Variants in ROBO2 observed in about 807,000 individuals in gnomAD.
ROBO2 encodes the protein roundabout homolog 2.
Under a neutral mutation model 160.8 loss-of-function variants are expected in ROBO2, and 53 were observed. The observed-to-expected ratio is 0.33, with a 90% CI of 0.26 to 0.41. ROBO2 has a LOEUF of 0.41. Ranked by LOEUF, ROBO2 falls within the 10% of genes least tolerant of loss-of-function variation. ROBO2 has a pLI of 1.00. For synonymous variants in ROBO2, 664 were observed against 611.7 expected (o/e 1.09, Z -1.26); for missense variants, 1,577 against 1,722.4 (o/e 0.92, Z 1.49).
intron 2 of ROBO2, among the ~76,000 whole-genome samples, chr3:76,361,412 C>CTA (rs2075513355): frequency 6.6e-6 from 1 of 151,998 alleles, no homozygotes; most frequent in South Asian, 2.1e-4. Flanking sequence ...CCTATGCATT[C>CTA]TATATGCACT....
intron 2 of ROBO2, among the ~76,000 whole-genome samples, chr3:76,343,169 C>T (rs541826490): frequency 8.5e-5 from 13 of 152,050 alleles, no homozygotes; most frequent in African/African-American, 1.9e-4. Flanking sequence ...CAAACCTCTA[C>T]GTATGGTGTG....
intron 2 of ROBO2, among the ~76,000 whole-genome samples, chr3:76,751,993 G>A (rs992852464): frequency 7.2e-5 from 11 of 152,042 alleles, no homozygotes; most frequent in East Asian, 1.9e-4. Flanking sequence ...ACATGCACAC[G>A]TATGTTTATT....
At chr3:77,131,270 A>G (rs926775428) in intron 2 of ROBO2, among the ~76,000 whole-genome samples, 3 of 152,238 alleles carry the variant, frequency 2.0e-5, no homozygotes, top group Middle Eastern at 3.4e-3. Context: ...CTTCCTTAGT[A>G]TTCATATTTT....
intron 6 of ROBO2, among the ~76,000 whole-genome samples, chr3:77,531,360 T>G (rs1382273148): frequency 6.6e-6 from 1 of 151,504 alleles, no homozygotes; most frequent in African/African-American, 2.4e-5. Flanking sequence ...AATTATTTTT[T>G]AAAATAAGCA....
intron 2 of ROBO2, among the ~76,000 whole-genome samples, chr3:76,547,118 G>C (rs2083152498): frequency 6.6e-6 from 1 of 151,878 alleles, no homozygotes; most frequent in Non-Finnish European, 1.5e-5. Flanking sequence ...AGTCCAACTA[G>C]TATAACTTGA....
intron 2 of ROBO2, among the ~76,000 whole-genome samples, chr3:76,607,243 G>C (rs1217487970): frequency 6.6e-6 from 1 of 152,096 alleles, no homozygotes; most frequent in Admixed American, 6.6e-5. Context: ...TGAGTATCTG[G>C]GACTTGAACT....
intron 2 of ROBO2, among the ~76,000 whole-genome samples, chr3:76,817,641 A>T (rs1313117074): frequency 6.6e-6 from 1 of 151,224 alleles, no homozygotes; most frequent in African/African-American, 2.4e-5. Flanking sequence ...CTGTCCCTCA[A>T]CCCCCTTGCA....
intron 2 of ROBO2, among the ~76,000 whole-genome samples, chr3:76,465,238 C>T (rs1164779557): frequency 6.6e-6 from 1 of 151,966 alleles, no homozygotes; most frequent in Non-Finnish European, 1.5e-5. Flanking sequence ...TATGTTTCTA[C>T]TGGGAGGATT....
At chr3:77,004,856 G>C (rs1188311260) in intron 2 of ROBO2, among the ~76,000 whole-genome samples, 1 of 152,084 alleles carries the variant, frequency 6.6e-6, no homozygotes, top group African/African-American at 2.4e-5. Context: ...CCCCATCTTA[G>C]ACATTTCAGA....
At chr3:77,222,472 CT>C (rs1023003866) in intron 2 of ROBO2, among the ~76,000 whole-genome samples, 2 of 151,758 alleles carry the variant, frequency 1.3e-5, no homozygotes, top group African/African-American at 2.4e-5. Flanking sequence ...TTTCAGAAGA[CT>C]TTTTTTTAAA....
chr3:76,953,820 ATGTG>A (rs112746282), intron 2 of ROBO2, among the ~76,000 whole-genome samples: 265 of 149,388 alleles, frequency 1.8e-3, no homozygotes, highest in South Asian at 2.8e-3. Flanking sequence ...TCCTTTTTAA[ATGTG>A]TGTGTGTGTG....
At chr3:77,082,148 G>T (rs1280224089) in intron 1 of ROBO2, among the ~76,000 whole-genome samples, 1 of 152,146 alleles carries the variant, frequency 6.6e-6, no homozygotes, top group East Asian at 1.9e-4. Flanking sequence ...AACACTAACA[G>T]ATTAGCCTGC....
intron 2 of ROBO2, among the ~76,000 whole-genome samples, chr3:77,433,335 T>A (rs1394789253): frequency 2.0e-5 from 3 of 151,524 alleles, no homozygotes; most frequent in Non-Finnish European, 4.4e-5. Flanking sequence ...CTGTTTCCCA[T>A]CCGTCCTAAA....
chr3:75,958,332 G>A (rs1208710720), intron 2 of ROBO2, among the ~76,000 whole-genome samples: 2 of 151,596 alleles, frequency 1.3e-5, no homozygotes, highest in South Asian at 2.1e-4. Context: ...TGACACTTAC[G>A]TGGCAGCACT....
chr3:76,258,148 T>G (rs1706520661), intron 2 of ROBO2, among the ~76,000 whole-genome samples: 1 of 152,028 alleles, frequency 6.6e-6, no homozygotes, highest in Non-Finnish European at 1.5e-5. Context: ...TTATCAAAAC[T>G]AAACACTTTT....
At chr3:77,156,755 TA>T (rs1447296377) in intron 2 of ROBO2, among the ~76,000 whole-genome samples, 2 of 149,908 alleles carry the variant, frequency 1.3e-5, no homozygotes, top group African/African-American at 4.9e-5. Context: ...TTAGAATATA[TA>T]AAAATATTTA....
chr3:76,043,933 A>G lies in ROBO2; in HGVS notation c.109+106331A>G, dbSNP rs72890401. On this transcript the variant is annotated intron_variant, in intron 2 of 26. Coordinates refer to the ROBO2 transcript ENST00000487694. ...TTTTGTCTTTTCTACCTCCTTCCCT[A>G]TTGTTTTGTAAAGTTACATCACGAT... Among the ~76,000 whole-genome samples the G allele has an allele frequency of 7.6e-3, 1,161 of 151,800 alleles. 39 individuals carry two copies. The highest frequency in any genetic ancestry group is 0.027 in the African/African-American group (1,108 of 41,248).
chr3:76,554,557 C>T (rs1038057882), intron 2 of ROBO2, among the ~76,000 whole-genome samples: 5 of 152,158 alleles, frequency 3.3e-5, no homozygotes, highest in South Asian at 2.1e-4. Flanking sequence ...ATTGTAATTG[C>T]GTGTCTAAAG....
chr3:76,677,958 C>CTTTTTTT lies in ROBO2; in HGVS notation c.110-420033_110-420027dup, dbSNP rs1169307424. Among the ~76,000 whole-genome samples the CTTTTTTT allele has an allele frequency of 3.3e-3, 97 of 29,402 alleles. 25 individuals carry two copies. Among genetic ancestry groups the CTTTTTTT allele is most frequent in the African/African-American group, 7.7e-3 (59 of 7,664 alleles). The allele number at this position is 29,402 out of a possible 152,430, so 19.3% of individuals were successfully genotyped here. Reference sequence around the variant, plus strand: ...TTCTCTCACAGAGAAAGAAAATATGCTTTTTTTTTTTTTTTTTTTTTTTTT... The same window carrying CTTTTTTT: ...TTCTCTCACAGAGAAAGAAAATATGCTTTTTTTTTTTTTTTTTTTTTTTTTTTTTTTT... On this transcript the variant is annotated intron_variant, in intron 2 of 26. Coordinates refer to the ROBO2 transcript ENST00000487694.
Sources: allele counts gnomAD v4.1 joint callset (sites outside exome capture counted in the v4.1 genomes callset), GRCh38; gene constraint gnomAD v4.1.1; transcripts MANE v1.5; gene names NCBI Gene and HGNC (gene_info 2026-07-23, HGNC 2026-07-21).